Variants in NETO1 observed in about 807,000 individuals in gnomAD.
NETO1 encodes the protein neuropilin and tolloid like 1.
In NETO1, 26 loss-of-function variants were observed where a neutral mutation model predicts 61.3. The observed-to-expected ratio is 0.42, with a 90% confidence interval of 0.31 to 0.59. NETO1 has a LOEUF of 0.59. NETO1 is among the 20% of genes least tolerant of loss of function. The pLI is 0.12. For synonymous variants in NETO1, 225 were observed against 225.8 expected, an observed-to-expected ratio of 1.00 and a Z score of 0.03; for missense variants, 531 against 662.8, an observed-to-expected ratio of 0.80 and a Z score of 2.18.
chr18:72,856,097 G>T (rs961031681), intron 4 of NETO1, among the ~76,000 whole-genome samples: 6 of 152,132 alleles, frequency 3.9e-5, no homozygotes, highest in African/African-American at 1.4e-4. Flanking sequence ...TGGCAAATGT[G>T]ATTCATTTCT....
chr18:72,862,213 CTCTA>C (rs2074594553), intron 3 of NETO1, among the ~76,000 whole-genome samples: 1 of 152,154 alleles, frequency 6.6e-6, no homozygotes, highest in Non-Finnish European at 1.5e-5. Flanking sequence ...GTGGCTGGGG[CTCTA>C]TCTAAGGTTA....
intron 7 of NETO1, among the ~76,000 whole-genome samples, chr18:72,771,634 A>G (rs571635231): frequency 2.0e-5 from 3 of 152,322 alleles, no homozygotes; most frequent in South Asian, 2.1e-4. Flanking sequence ...TTTAGTGTCA[A>G]TCTGATGCTG....
At chr18:72,852,993 C>T (rs1247025200) in intron 4 of NETO1, among the ~76,000 whole-genome samples, 1 of 151,592 alleles carries the variant, frequency 6.6e-6, no homozygotes, top group African/African-American at 2.4e-5. Context: ...CCACCACGCC[C>T]GACTAATTTT....
chr18:72,769,244 G>A (rs4892044), intron 7 of NETO1, among the ~76,000 whole-genome samples: 53,843 of 151,982 alleles, frequency 0.35, 9,937 homozygotes, highest in Admixed American at 0.48. Flanking sequence ...GGAGAGAAAG[G>A]CCAATACTGT....
At chr18:72,788,636 A>T (rs1041596471) in intron 6 of NETO1, among the ~76,000 whole-genome samples, 1 of 152,144 alleles carries the variant, frequency 6.6e-6, no homozygotes, top group African/African-American at 2.4e-5. Flanking sequence ...TCAGTGAATC[A>T]TTTTGATGCA....
chr18:72,831,188 T>C (rs1347751314), intron 4 of NETO1, among the ~76,000 whole-genome samples: 1 of 152,154 alleles, frequency 6.6e-6, no homozygotes, highest in East Asian at 1.9e-4. Flanking sequence ...AGCTGAGCAA[T>C]ACCATCCACA....
At chr18:72,816,695 C>G (rs1034527963) in intron 4 of NETO1, among the ~76,000 whole-genome samples, 1 of 152,176 alleles carries the variant, frequency 6.6e-6, no homozygotes, top group African/African-American at 2.4e-5. Flanking sequence ...TGGGTCCCCA[C>G]CCCACTGTGG....
chr18:72,757,385 C>G (rs2070818232), intron 7 of NETO1, among the ~76,000 whole-genome samples: 1 of 121,180 alleles, frequency 8.3e-6, no homozygotes, highest in African/African-American at 3.2e-5. Context: ...TTTTAATACT[C>G]CGAGAGAAAT....
chr18:72,802,889 T>C (rs1327576302), intron 4 of NETO1, among the ~76,000 whole-genome samples: 1 of 152,242 alleles, frequency 6.6e-6, no homozygotes, highest in Non-Finnish European at 1.5e-5. Context: ...ACAGTTTTAA[T>C]ATTCTGTAAG....
intron 4 of NETO1, among the ~76,000 whole-genome samples, chr18:72,850,145 G>T (rs1411558999): frequency 6.6e-6 from 1 of 152,198 alleles, no homozygotes; most frequent in African/African-American, 2.4e-5. Context: ...ATCTTGTGGG[G>T]AGGGTATATT....
At chr18:72,829,139 A>G (rs554475628) in intron 4 of NETO1, among the ~76,000 whole-genome samples, 2 of 152,234 alleles carry the variant, frequency 1.3e-5, no homozygotes, top group Admixed American at 6.5e-5. Context: ...AGAAATTGAA[A>G]AACACAATCA....
At chr18:72,856,763 G>A (rs1159066741) in intron 4 of NETO1, among the ~76,000 whole-genome samples, 7 of 152,300 alleles carry the variant, frequency 4.6e-5, no homozygotes, top group Admixed American at 1.3e-4. Context: ...TCTCCAATGT[G>A]AGTTCACTGC....
chr18:72,850,083 CT>C (rs1244931800), intron 4 of NETO1, among the ~76,000 whole-genome samples: 1 of 152,224 alleles, frequency 6.6e-6, no homozygotes, highest in African/African-American at 2.4e-5. Context: ...CTTCACATCT[CT>C]TTGCCATAGA....
chr18:72,778,297 T>C (rs2071625622), intron 7 of NETO1, among the ~76,000 whole-genome samples: 1 of 152,216 alleles, frequency 6.6e-6, no homozygotes, highest in Admixed American at 6.5e-5. Flanking sequence ...ACTTATTTTA[T>C]CAGATGCCTG....
chr18:72,750,872 T>TATACACACACACACAC (rs2070583363), intron 8 of NETO1, among the ~76,000 whole-genome samples: 1 of 118,738 alleles, frequency 8.4e-6, no homozygotes, highest in Non-Finnish European at 1.7e-5. Flanking sequence ...CAGCTTAAAA[T>TATACACACACACACAC]ACACACACAC....
At chr18:72,860,088 T>C (rs2074524619) in intron 3 of NETO1, among the ~76,000 whole-genome samples, 1 of 152,180 alleles carries the variant, frequency 6.6e-6, no homozygotes, top group South Asian at 2.1e-4. Flanking sequence ...CCCTGGTACG[T>C]CCAAAACAGT....
intron 7 of NETO1, among the ~76,000 whole-genome samples, chr18:72,763,287 T>C (rs1472335696): frequency 2.0e-5 from 3 of 152,168 alleles, no homozygotes; most frequent in Non-Finnish European, 4.4e-5. Flanking sequence ...CAACGTCAAA[T>C]AAGTCATCAT....
intron 6 of NETO1, among the ~76,000 whole-genome samples, chr18:72,789,139 T>C (rs1164296648): frequency 6.6e-6 from 1 of 152,026 alleles, no homozygotes; most frequent in Non-Finnish European, 1.5e-5. Context: ...GTTTGGACGG[T>C]ATCAATGTTC....
intron 7 of NETO1, among the ~76,000 whole-genome samples, chr18:72,769,182 C>G (rs887789420): frequency 1.3e-5 from 2 of 152,116 alleles, no homozygotes; most frequent in African/African-American, 4.8e-5. Flanking sequence ...TAATTATTAT[C>G]TGTCTTTAAG....
Sources: gnomAD v4.1 joint callset for allele counts (sites outside exome capture counted in the v4.1 genomes callset) on GRCh38, gnomAD v4.1.1 for gene constraint, MANE v1.5 for transcripts, NCBI Gene and HGNC (gene_info 2026-07-23, HGNC 2026-07-21) for gene names.